Variants in TENM4 observed in about 807,000 individuals in gnomAD.
TENM4 encodes the protein teneurin-4.
In TENM4, 82 loss-of-function variants were observed where a neutral mutation model predicts 243.3. That is an observed-to-expected ratio of 0.34 (90% CI 0.28 to 0.40). The LOEUF (loss-of-function observed/expected upper bound fraction) is 0.40, where lower values mean the gene tolerates loss of function less well. TENM4 is among the 10% of genes least tolerant of loss of function. TENM4 has a pLI of 1.00. For synonymous variants in TENM4, 1,412 were observed against 1,456.3 expected (o/e 0.97, Z 0.69); for missense variants, 3,138 against 3,673.3 (o/e 0.85, Z 3.77).
chr11:79,292,468 A>C (rs976085182), intron 2 of TENM4, among the ~76,000 whole-genome samples: 22 of 152,186 alleles, frequency 1.4e-4, no homozygotes, highest in African/African-American at 5.3e-4. Flanking sequence ...TAATTCTATC[A>C]GTGGCTTTTC....
In TENM4 at chr11:78,958,856, C is replaced by A. The variant is rs549759947; in HGVS notation, c.494-55333G>T. Among the ~76,000 whole-genome samples the A allele has an allele frequency of 6.0e-4, 92 of 152,334 alleles. 1 individual carries two copies. Among genetic ancestry groups the A allele is most frequent in the African/African-American group, 2.1e-3 (89 of 41,574 alleles). On this transcript the variant is annotated intron_variant, in intron 6 of 33. Transcript: ENST00000278550. ...GTCCCAGCTGGCCCTAAAGCAACTG[C>A]TCTGTTGAGGGTGGTCTCCAAGGTC...
At chr11:78,745,747 C>A (rs1412188175) in intron 19 of TENM4, among the ~76,000 whole-genome samples, 2 of 152,212 alleles carry the variant, frequency 1.3e-5, no homozygotes, top group Admixed American at 6.5e-5. Flanking sequence ...TCATGGCCCA[C>A]CTTCGGTATC....
At chr11:79,219,763 C>T (rs779954978) in intron 2 of TENM4, among the ~76,000 whole-genome samples, 2 of 152,184 alleles carry the variant, frequency 1.3e-5, no homozygotes, top group South Asian at 2.1e-4. Flanking sequence ...TGGCTGTCCA[C>T]CGGTATGTGG....
intron 2 of TENM4, among the ~76,000 whole-genome samples, chr11:79,228,733 A>G (rs1864322208): frequency 6.6e-6 from 1 of 152,178 alleles, no homozygotes. Flanking sequence ...GTTTTTTAAT[A>G]AAAATTTTAA....
intron 19 of TENM4, among the ~76,000 whole-genome samples, chr11:78,752,692 C>T (rs1408480391): frequency 6.6e-6 from 1 of 152,186 alleles, no homozygotes; most frequent in East Asian, 1.9e-4. Context: ...TCAGAAATTC[C>T]ACTCTCTGGA....
chr11:79,398,316 G>GCT (rs1345970112), intron 1 of TENM4, among the ~76,000 whole-genome samples: 2 of 151,978 alleles, frequency 1.3e-5, no homozygotes, highest in East Asian at 3.9e-4. Context: ...AGTAGGGGTG[G>GCT]GCGCATCTCA....
intron 16 of TENM4, among the ~76,000 whole-genome samples, chr11:78,781,996 C>G (rs1856846671): frequency 6.6e-6 from 1 of 152,198 alleles, no homozygotes; most frequent in African/African-American, 2.4e-5. Flanking sequence ...TTTTCTCTTT[C>G]TCCTTGTCAG....
rs180743539 is a variant in TENM4, at chr11:79,283,924, A to T, written c.-265+13564T>A. On this transcript the variant is annotated intron_variant, in intron 2 of 33. Transcript: ENST00000278550. ...ATACACTAGCAATGAACAATCCAAA[A>T]ATGCAATCAAGAAAATAATTCCATT... 1.2e-4 allele frequency among the ~76,000 whole-genome samples: 19 copies of T among 152,336 alleles called. 1 individual carries two copies. In the East Asian group the frequency reaches 2.5e-3, roughly 20 times the overall value.
At chr11:79,237,091 C>T (rs1251542108) in intron 2 of TENM4, among the ~76,000 whole-genome samples, 1 of 152,212 alleles carries the variant, frequency 6.6e-6, no homozygotes, top group Non-Finnish European at 1.5e-5. Context: ...TCTGTTTAAA[C>T]TAGACAGAAT....
intron 4 of TENM4, among the ~76,000 whole-genome samples, chr11:79,104,514 T>C (rs1591285876): frequency 6.6e-6 from 1 of 152,340 alleles, no homozygotes; most frequent in South Asian, 2.1e-4. Context: ...CATGAGTATC[T>C]TTCACATCCA....
intron 1 of TENM4, among the ~76,000 whole-genome samples, chr11:79,403,758 A>G (rs1858509785): frequency 6.6e-6 from 1 of 152,108 alleles, no homozygotes; most frequent in Non-Finnish European, 1.5e-5. Flanking sequence ...CAGAAATGGC[A>G]TTCAGCACTT....
intron 18 of TENM4, among the ~76,000 whole-genome samples, chr11:78,767,967 C>T (rs1856571080): frequency 6.6e-6 from 1 of 152,210 alleles, no homozygotes; most frequent in Non-Finnish European, 1.5e-5. Flanking sequence ...ATGAGCCCTA[C>T]AAAGGTGTGC....
chr11:79,228,304 C>T (rs937652895), intron 2 of TENM4, among the ~76,000 whole-genome samples: 5 of 152,184 alleles, frequency 3.3e-5, no homozygotes, highest in Non-Finnish European at 7.4e-5. Flanking sequence ...CTTTTTGCTT[C>T]TGCTCAGGCC....
At chr11:79,256,024 C>T (rs1184567031) in intron 2 of TENM4, among the ~76,000 whole-genome samples, 1 of 152,224 alleles carries the variant, frequency 6.6e-6, no homozygotes, top group South Asian at 2.1e-4. Flanking sequence ...CTTTGACTTC[C>T]GGTTAGGGTT....
At chr11:79,163,912 A>G (rs1862821747) in intron 3 of TENM4, among the ~76,000 whole-genome samples, 1 of 143,282 alleles carries the variant, frequency 7.0e-6, no homozygotes, top group African/African-American at 2.6e-5. Context: ...TATCGTATAT[A>G]GGTATATATC....
chr11:79,326,114 T>A (rs576283444), intron 1 of TENM4, among the ~76,000 whole-genome samples: 1 of 152,292 alleles, frequency 6.6e-6, no homozygotes, highest in South Asian at 2.1e-4. Context: ...CCTAATATAG[T>A]GTGATCAACA....
intron 1 of TENM4, among the ~76,000 whole-genome samples, chr11:79,315,505 C>A (rs1267892915): frequency 6.6e-6 from 1 of 152,214 alleles, no homozygotes; most frequent in Non-Finnish European, 1.5e-5. Flanking sequence ...GGGGAGCAGG[C>A]ACAGGTTTGC....
chr11:78,825,402 T>G (rs1857828710), intron 12 of TENM4, among the ~76,000 whole-genome samples: 1 of 152,244 alleles, frequency 6.6e-6, no homozygotes, highest in Non-Finnish European at 1.5e-5. Context: ...ACTTTATCCT[T>G]GTCAGCCATC....
chr11:78,936,797 G>A (rs893463460), intron 6 of TENM4, among the ~76,000 whole-genome samples: 4 of 152,254 alleles, frequency 2.6e-5, no homozygotes, highest in African/African-American at 4.8e-5. Flanking sequence ...TATTGCTAAC[G>A]ACAAGGTAGT....
Sources: gnomAD v4.1 joint callset for allele counts (sites outside exome capture counted in the v4.1 genomes callset) on GRCh38, gnomAD v4.1.1 for gene constraint, MANE v1.5 for transcripts, NCBI Gene and HGNC (gene_info 2026-07-23, HGNC 2026-07-21) for gene names.